Variants in MED13L observed in about 807,000 individuals in gnomAD.
The protein encoded by MED13L is mediator complex subunit 13L.
In MED13L, 7 loss-of-function variants were observed where a neutral mutation model predicts 220.9. That is an observed-to-expected ratio of 0.03 (90% CI 0.02 to 0.06). The LOEUF is 0.06. MED13L is among the 10% of genes least tolerant of loss of function. MED13L has a pLI of 1.00. For synonymous variants in MED13L, 1,011 were observed against 1,015.2 expected (o/e 1.00, Z 0.08); for missense variants, 1,965 against 2,760.5 (o/e 0.71, Z 6.46).
At chr12:115,967,778 T>G (rs1876282142) in intron 28 of MED13L, among the ~76,000 whole-genome samples, 2 of 152,330 alleles carry the variant, frequency 1.3e-5, no homozygotes, top group Middle Eastern at 6.8e-3. Context: ...GAATTCAAAT[T>G]AAACCCAACT....
intron 5 of MED13L, among the ~76,000 whole-genome samples, chr12:116,020,970 T>C (rs1384068984): frequency 6.6e-6 from 1 of 152,180 alleles, no homozygotes; most frequent in Non-Finnish European, 1.5e-5. Context: ...GTCTTTCTGC[T>C]GTTCCTCAAT....
chr12:115,980,024 G>A (rs1456540142), intron 23 of MED13L, among the ~76,000 whole-genome samples: 1 of 152,150 alleles, frequency 6.6e-6, no homozygotes, highest in Non-Finnish European at 1.5e-5. Flanking sequence ...CTTCCTCTAA[G>A]TATGTGCATC....
chr12:116,037,285 A>G (rs1411308594), intron 4 of MED13L, among the ~76,000 whole-genome samples: 3 of 152,222 alleles, frequency 2.0e-5, no homozygotes, highest in African/African-American at 7.2e-5. Flanking sequence ...AACTCCACAC[A>G]TGACCTCATG....
intron 4 of MED13L, among the ~76,000 whole-genome samples, chr12:116,074,311 C>G (rs1870614218): frequency 6.6e-6 from 1 of 152,178 alleles, no homozygotes; most frequent in African/African-American, 2.4e-5. Flanking sequence ...AGGAGAATTC[C>G]TTGAACCCAG....
At position 115,969,018 on chromosome 12, in the gene MED13L, G is replaced by C. The variant is rs762841133; in HGVS notation, c.6147C>G (p.Ser2049=). 1.2e-6 allele frequency: 2 copies of C among 1,613,934 alleles called. No individual in the cohort carries two copies. Among genetic ancestry groups the C allele is most frequent in the Non-Finnish European group, 1.7e-6 (2 of 1,179,882 alleles). Residue 2049 remains serine (S), a synonymous_variant, in exon 28 of 31, where the codon TCC becomes TCG. Transcript: ENST00000281928. ...IGILMTGNLH[S]SPNSSPVPSP... ...AGGGTACTGGGGAAGAGTTGGGAGA[G>C]GAATGGAGGTTCCCAGTCATTAATA...
At chr12:116,269,996 C>A (rs1283167242) in intron 1 of MED13L, among the ~76,000 whole-genome samples, 2 of 150,470 alleles carry the variant, frequency 1.3e-5, no homozygotes. Flanking sequence ...TTCTAAAAAG[C>A]ACTTTATTAA....
chr12:116,227,858 G>A (rs1257918322), intron 2 of MED13L, among the ~76,000 whole-genome samples: 2 of 152,060 alleles, frequency 1.3e-5, no homozygotes, highest in Non-Finnish European at 2.9e-5. Context: ...AAGTCATGTC[G>A]AAAGCCAAGA....
intron 9 of MED13L, among the ~76,000 whole-genome samples, chr12:116,011,551 G>C (rs1469689282): frequency 6.6e-6 from 1 of 152,158 alleles, no homozygotes; most frequent in East Asian, 1.9e-4. Flanking sequence ...ATGTGCTAAA[G>C]GCGGGCCTTA....
chr12:116,181,497 A>G (rs954490955), intron 2 of MED13L, among the ~76,000 whole-genome samples: 5 of 152,226 alleles, frequency 3.3e-5, no homozygotes, highest in Middle Eastern at 3.4e-3. Context: ...TTTAAGGTGA[A>G]TCAAAGTTTG....
chr12:116,113,509 G>T (rs1297500711), intron 2 of MED13L, among the ~76,000 whole-genome samples: 1 of 149,028 alleles, frequency 6.7e-6, no homozygotes, highest in East Asian at 2.0e-4. Context: ...TATAAAATTA[G>T]CCAGGTGTAG....
chr12:116,217,454 A>G (rs932594313), intron 2 of MED13L, among the ~76,000 whole-genome samples: 1 of 152,216 alleles, frequency 6.6e-6, no homozygotes, highest in Non-Finnish European at 1.5e-5. Flanking sequence ...CAGGATTGGT[A>G]AAAGTCCTAT....
Position 116,019,878 on chromosome 12 carries a change from C to T in MED13L, c.720G>A (p.Gln240=). 1.2e-6 allele frequency: 2 copies of T among 1,613,886 alleles called. No individual in the cohort carries two copies. The highest frequency in any genetic ancestry group is 1.7e-6 in the Non-Finnish European group (2 of 1,179,922). The part of the protein sequence containing the change: ...PATRKLIEEW[Q]YFYPMVLKKK... ...TTTTTAGCACCATCGGGTAGAAATA[C>T]TGCCATTCCTCAATCAACTTACGAG... Residue 240 remains glutamine, a synonymous_variant, in exon 6 of 31, where the codon CAG becomes CAA. Transcript: ENST00000281928.
At chr12:116,253,976 G>C (rs940764026) in intron 1 of MED13L, among the ~76,000 whole-genome samples, 2 of 151,782 alleles carry the variant, frequency 1.3e-5, no homozygotes, top group African/African-American at 4.8e-5. Context: ...GGCCAGGCTG[G>C]TCTCGAACCC....
At chr12:116,255,092 ATT>A (rs1871919245) in intron 1 of MED13L, among the ~76,000 whole-genome samples, 1 of 152,184 alleles carries the variant, frequency 6.6e-6, no homozygotes, top group Admixed American at 6.5e-5. Flanking sequence ...AATCAATACA[ATT>A]TTTAAAAGAA....
chr12:116,192,943 T>C (rs1419761571), intron 2 of MED13L, among the ~76,000 whole-genome samples: 2 of 152,170 alleles, frequency 1.3e-5, no homozygotes, highest in Admixed American at 1.3e-4. Context: ...CCATCCTGGC[T>C]AACACGGTGA....
Position 116,064,514 on chromosome 12 carries a change from G to T in MED13L, c.479+32155C>A, listed in dbSNP as rs145496316. Among the ~76,000 whole-genome samples the T allele has an allele frequency of 4.0e-3, 603 of 152,224 alleles. 2 individuals carry two copies. The highest frequency in any genetic ancestry group is 0.014 in the African/African-American group (581 of 41,538). ...AGTTTCTCTGTTCCTAAAAAATTTG[G>T]AATCTGGGGCCCCAGATGCCTGGGG... On this transcript the variant is annotated intron_variant, in intron 4 of 30. Transcript: ENST00000281928.
intron 2 of MED13L, among the ~76,000 whole-genome samples, chr12:116,120,440 T>TTCTCTC (rs67306353): frequency 1.1e-3 from 113 of 98,374 alleles, no homozygotes; most frequent in Middle Eastern, 5.4e-3. Context: ...TAATCTCTCT[T>TTCTCTC]TCTCTCTCTC....
chr12:116,273,829 T>C lies in MED13L; in HGVS notation c.72+3231A>G, dbSNP rs146347707. ...AAAGGGCACAAAATCACTTTCTCCA[T>C]ATTAACTCAATAGAGAAAAATAAAT... On this transcript the variant is annotated intron_variant, in intron 1 of 30. Coordinates refer to ENST00000281928, the MANE Select transcript of MED13L (RefSeq NM_015335.5). 5.9e-4 allele frequency among the ~76,000 whole-genome samples: 90 copies of C among 152,350 alleles called. 1 individual carries two copies. The highest frequency in any genetic ancestry group is 2.1e-3 in the African/African-American group (86 of 41,584).
At chr12:116,209,348 G>C (rs984068376) in intron 2 of MED13L, among the ~76,000 whole-genome samples, 8 of 152,090 alleles carry the variant, frequency 5.3e-5, no homozygotes, top group Non-Finnish European at 1.0e-4. Context: ...TTTCCACTTT[G>C]GATTAAATGA....
Sources: allele counts gnomAD v4.1 joint callset (sites outside exome capture counted in the v4.1 genomes callset), GRCh38; gene constraint gnomAD v4.1.1; transcripts MANE v1.5; gene names NCBI Gene and HGNC (gene_info 2026-07-23, HGNC 2026-07-21).